CNTN5: variants seen among roughly 807,000 people sequenced by gnomAD.
The protein encoded by CNTN5 is contactin-5.
A neutral mutation model predicts 129.1 loss-of-function variants in CNTN5; 77 were observed. The observed-to-expected ratio is 0.60, with a 90% CI of 0.50 to 0.72. The LOEUF (loss-of-function observed/expected upper bound fraction) is 0.72. Among genes scored for constraint, CNTN5 ranks in the 30% least tolerant of loss-of-function variants. The pLI, the probability that CNTN5 is intolerant of heterozygous loss-of-function variation, is 0.00. For missense variants in CNTN5, 1,478 were observed against 1,328.8 expected, an observed-to-expected ratio of 1.11 and a Z score of -1.75; for synonymous variants, 509 against 465.6, an observed-to-expected ratio of 1.09 and a Z score of -1.20.
At chr11:99,943,560 C>T (rs945836009) in intron 7 of CNTN5, among the ~76,000 whole-genome samples, 2 of 151,766 alleles carry the variant, frequency 1.3e-5, no homozygotes, top group Non-Finnish European at 2.9e-5. Context: ...TGTCAGTGTT[C>T]GCTTTCGTTG....
At chr11:100,296,672 G>A (rs925525185) in intron 18 of CNTN5, among the ~76,000 whole-genome samples, 1 of 151,524 alleles carries the variant, frequency 6.6e-6, no homozygotes, top group African/African-American at 2.4e-5. Flanking sequence ...TCTGGCCCAA[G>A]GAGAATTTGT....
At chr11:99,039,227 T>G (rs1234021822) in intron 1 of CNTN5, among the ~76,000 whole-genome samples, 4 of 152,158 alleles carry the variant, frequency 2.6e-5, no homozygotes, top group Non-Finnish European at 4.4e-5. Context: ...AGGAATTGAT[T>G]TCAACAAACC....
intron 1 of CNTN5, among the ~76,000 whole-genome samples, chr11:99,166,585 A>C (rs1447168712): frequency 2.6e-5 from 4 of 152,098 alleles, no homozygotes; most frequent in Admixed American, 6.5e-5. Flanking sequence ...AGAATAATGC[A>C]TGCAAGGCAT....
intron 1 of CNTN5, among the ~76,000 whole-genome samples, chr11:99,148,545 T>A (rs1428245862): frequency 6.6e-6 from 1 of 152,154 alleles, no homozygotes; most frequent in East Asian, 1.9e-4. Flanking sequence ...GTAATGAATA[T>A]GCCTTATGTG....
intron 6 of CNTN5, among the ~76,000 whole-genome samples, chr11:99,877,618 A>C (rs1948667389): frequency 6.6e-6 from 1 of 152,186 alleles, no homozygotes; most frequent in African/African-American, 2.4e-5. Flanking sequence ...GTTTAAAAAA[A>C]AAATAAGGAA....
chr11:99,981,077 G>GAGAT (rs1555171289), intron 8 of CNTN5, among the ~76,000 whole-genome samples: 1 of 57,594 alleles, frequency 1.7e-5, no homozygotes, highest in East Asian at 6.0e-4. Flanking sequence ...GAGCCAATAG[G>GAGAT]ATATATATAT....
chr11:100,014,196 A>T (rs572793959), intron 9 of CNTN5, among the ~76,000 whole-genome samples: 3 of 152,204 alleles, frequency 2.0e-5, no homozygotes, highest in African/African-American at 7.2e-5. Context: ...TGAATATGTG[A>T]TGATCTAGTG....
chr11:100,237,395 G>GT (rs1235225111), intron 16 of CNTN5, among the ~76,000 whole-genome samples: 1 of 152,070 alleles, frequency 6.6e-6, no homozygotes, highest in Non-Finnish European at 1.5e-5. Flanking sequence ...TTGATTTGGT[G>GT]TAACACTACA....
intron 21 of CNTN5, chr11:100,336,748 G>A (rs7948077): frequency 0.019 from 4,524 of 233,552 alleles, 196 homozygotes; most frequent in African/African-American, 0.094. Flanking sequence ...AATCACTAAA[G>A]GAGAGAAAAG....
intron 1 of CNTN5, among the ~76,000 whole-genome samples, chr11:99,247,628 C>A (rs1861880893): frequency 6.6e-6 from 1 of 151,940 alleles, no homozygotes; most frequent in South Asian, 2.1e-4. Context: ...CATCCCACAA[C>A]AGGCCCTGGT....
At chr11:99,860,987 G>A (rs1320499904) in intron 6 of CNTN5, among the ~76,000 whole-genome samples, 5 of 117,904 alleles carry the variant, frequency 4.2e-5, no homozygotes, top group African/African-American at 1.3e-4. Context: ...ACGGAGTCTC[G>A]CTCTGTCGCC....
chr11:99,689,530 G>GGA (rs1555077182), intron 3 of CNTN5, among the ~76,000 whole-genome samples: 2 of 92,902 alleles, frequency 2.2e-5, no homozygotes, highest in African/African-American at 4.2e-5. Flanking sequence ...CCTCAAAAAA[G>GGA]AAAAAAAAAA....
chr11:99,252,432 T>C (rs1862159389), intron 1 of CNTN5, among the ~76,000 whole-genome samples: 1 of 151,814 alleles, frequency 6.6e-6, no homozygotes, highest in South Asian at 2.1e-4. Context: ...ATAATCATAT[T>C]TCATCAACCA....
chr11:100,008,425 G>C (rs1041846811), intron 9 of CNTN5, among the ~76,000 whole-genome samples: 13 of 152,028 alleles, frequency 8.6e-5, no homozygotes, highest in African/African-American at 3.1e-4. Flanking sequence ...ATAAGAGTTG[G>C]GCTTTGTGTA....
At chr11:100,035,434 T>G (rs1941937426) in intron 9 of CNTN5, among the ~76,000 whole-genome samples, 1 of 146,820 alleles carries the variant, frequency 6.8e-6, no homozygotes, top group Admixed American at 6.8e-5. Flanking sequence ...TAAACATACG[T>G]GTGCATGTGT....
At chr11:99,782,759 A>G (rs188658820) in intron 3 of CNTN5, among the ~76,000 whole-genome samples, 1 of 152,140 alleles carries the variant, frequency 6.6e-6, no homozygotes, top group African/African-American at 2.4e-5. Flanking sequence ...TGGACATGGG[A>G]AAACTGGCTA....
At chr11:99,877,448 T>C (rs2135840256) in intron 6 of CNTN5, among the ~76,000 whole-genome samples, 1 of 152,322 alleles carries the variant, frequency 6.6e-6, no homozygotes, top group Non-Finnish European at 1.5e-5. Context: ...CTTTGAAATT[T>C]ACCAAAACCA....
chr11:99,706,376 T>C (rs1025479628), intron 3 of CNTN5, among the ~76,000 whole-genome samples: 1 of 151,500 alleles, frequency 6.6e-6, no homozygotes, highest in Middle Eastern at 3.2e-3. Flanking sequence ...ACAGTCTTCA[T>C]AGGTGGGTTT....
At chr11:100,104,455 G>GA (rs560131169) in intron 13 of CNTN5, among the ~76,000 whole-genome samples, 1,836 of 150,480 alleles carry the variant, frequency 0.012, 42 homozygotes, top group African/African-American at 0.041. Context: ...GCAAGTTCTA[G>GA]AAAAAAAAAT....
Sources: gnomAD v4.1 joint callset for allele counts (sites outside exome capture counted in the v4.1 genomes callset) on GRCh38, gnomAD v4.1.1 for gene constraint, MANE v1.5 for transcripts, NCBI Gene and HGNC (gene_info 2026-07-23, HGNC 2026-07-21) for gene names.